The following LEPR variants were observed in gnomAD, a reference collection of about 807,000 sequenced individuals.
LEPR encodes leptin receptor, also known as OB receptor.
In LEPR, 56 loss-of-function variants were observed where a neutral mutation model predicts 114.7. The observed-to-expected ratio is 0.49, with a 90% CI of 0.39 to 0.61. The LOEUF is 0.61. Among genes scored for constraint, LEPR ranks in the 20% least tolerant of loss-of-function variants. The probability of loss-of-function intolerance (pLI) is 0.00; values close to 1 mark genes in which losing one functional copy is unlikely to be tolerated. For synonymous variants in LEPR, 443 were observed against 461.4 expected, an observed-to-expected ratio of 0.96 and a Z score of 0.51; for missense variants, 1,202 against 1,352.9, an observed-to-expected ratio of 0.89 and a Z score of 1.75.
chr1:65,547,352 C>G (rs1458507747), intron 2 of LEPR, among the ~76,000 whole-genome samples: 1 of 152,136 alleles, frequency 6.6e-6, no homozygotes, highest in Non-Finnish European at 1.5e-5. Flanking sequence ...CCCTCTTTTT[C>G]TATTGATTGG....
intron 2 of LEPR, among the ~76,000 whole-genome samples, chr1:65,454,751 A>G (rs1271804891): frequency 2.0e-5 from 3 of 151,946 alleles, no homozygotes; most frequent in Admixed American, 1.3e-4. Context: ...GAATCTGACA[A>G]TTATGTGTCT....
chr1:65,554,212 T>C (rs1425496976), intron 2 of LEPR, among the ~76,000 whole-genome samples: 1 of 152,160 alleles, frequency 6.6e-6, no homozygotes, highest in Non-Finnish European at 1.5e-5. Context: ...AGGCAGCCTG[T>C]CCTTTAGTAA....
intron 11 of LEPR, 65 bp from the exon 12 acceptor site, chr1:65,608,688 C>T: frequency 6.6e-7 from 1 of 1,519,706 alleles, no homozygotes; most frequent in South Asian, 1.2e-5. Context: ...AAATATAACA[C>T]AATGTTTTTA....
At chr1:65,546,482 C>A (rs1011652508) in intron 2 of LEPR, among the ~76,000 whole-genome samples, 6 of 151,954 alleles carry the variant, frequency 3.9e-5, no homozygotes, top group African/African-American at 1.5e-4. Context: ...CTTTTATTTC[C>A]TTGAGCAGTG....
intron 2 of LEPR, among the ~76,000 whole-genome samples, chr1:65,443,955 T>TAAAG (rs1467585810): frequency 1.6e-4 from 15 of 92,182 alleles, no homozygotes; most frequent in South Asian, 8.0e-4. Context: ...CTGATACTTT[T>TAAAG]TTTTTTTTTT....
chr1:65,621,397 G>T lies in LEPR; in HGVS notation c.2536G>T (p.Val846Leu). The T allele has an allele frequency of 1.2e-6, 2 of 1,613,352 alleles. No individual in the cohort carries two copies. The highest frequency in any genetic ancestry group is 1.7e-6 in the Non-Finnish European group (2 of 1,179,628). ...HQSDAGLYVI[V>L]PVIISSSILL... ...GAGTGATGCAGGTTTATATGTAATT[G>T]TGCCAGTAATTATTTCCTCTTCCAT... Residue 846 changes from valine (V) to leucine (L), a missense_variant, in exon 18 of 20, where the codon GTG becomes TTG. By Grantham distance (32) the Val-to-Leu change is conservative. Coordinates refer to ENST00000349533, the MANE Select transcript of LEPR (RefSeq NM_002303.6).
chr1:65,588,733 A>C (rs1655491778), intron 5 of LEPR, among the ~76,000 whole-genome samples: 1 of 152,068 alleles, frequency 6.6e-6, no homozygotes, highest in South Asian at 2.1e-4. Flanking sequence ...GATTATCTTG[A>C]GATTCATTAA....
chr1:65,436,090 G>T (rs960381411), intron 2 of LEPR: 1 of 984,162 alleles, frequency 1.0e-6, no homozygotes, highest in Non-Finnish European at 1.2e-6. Flanking sequence ...AGATCAGCAA[G>T]TTAATTTTCC....
chr1:65,626,246 C>A, intron 19 of LEPR: 1 of 1,459,186 alleles, frequency 6.9e-7, no homozygotes, highest in South Asian at 1.6e-5. Flanking sequence ...TGCCACAGGT[C>A]ATCTGACAGA....
At chr1:65,449,444 T>C (rs969077691) in intron 2 of LEPR, among the ~76,000 whole-genome samples, 3 of 152,048 alleles carry the variant, frequency 2.0e-5, no homozygotes, top group East Asian at 1.9e-4. Flanking sequence ...TCTCGGACCC[T>C]GGGGCAGCCG....
intron 4 of LEPR, among the ~76,000 whole-genome samples, chr1:65,571,282 A>G (rs1033523616): frequency 1.3e-5 from 2 of 152,184 alleles, no homozygotes; most frequent in African/African-American, 2.4e-5. Context: ...CTGCTATGGT[A>G]CATGTTTACC....
In LEPR at chr1:65,598,645, T is replaced by C; in HGVS notation, c.850-15T>C. On this transcript the variant is annotated splice_polypyrimidine_tract_variant and intron_variant, in intron 7 of 19. Transcript: ENST00000349533. Reference sequence around the variant, plus strand: ...TCAACTTGATGTTCTGATGTTTTAATATAATATTTAACAGGCTGACAAGAT... The same window carrying C: ...TCAACTTGATGTTCTGATGTTTTAACATAATATTTAACAGGCTGACAAGAT... 4 of 1,612,468 alleles carry C rather than the reference T, an allele frequency of 2.5e-6. No homozygotes were observed. The highest frequency in any genetic ancestry group is 3.4e-6 in the Non-Finnish European group (4 of 1,179,410).
chr1:65,477,379 G>A (rs1470676637), intron 2 of LEPR, among the ~76,000 whole-genome samples: 1 of 152,194 alleles, frequency 6.6e-6, no homozygotes, highest in Non-Finnish European at 1.5e-5. Flanking sequence ...CGTTAACAGA[G>A]TGCCTGGCAT....
chr1:65,610,936 G>T (rs1381949770), intron 14 of LEPR, among the ~76,000 whole-genome samples: 3 of 152,168 alleles, frequency 2.0e-5, no homozygotes, highest in Non-Finnish European at 4.4e-5. Flanking sequence ...TAATACCCAA[G>T]GTTGAATGAG....
intron 2 of LEPR, among the ~76,000 whole-genome samples, chr1:65,445,757 A>G (rs1220035690): frequency 1.3e-5 from 2 of 151,946 alleles, no homozygotes; most frequent in Admixed American, 6.6e-5. Flanking sequence ...CATTTCTGCA[A>G]GTGAACTTAA....
chr1:65,632,410 A>G (rs757116354), intron 19 of LEPR, among the ~76,000 whole-genome samples: 7 of 152,146 alleles, frequency 4.6e-5, no homozygotes, highest in Non-Finnish European at 1.0e-4. Context: ...AGGAACCAGG[A>G]GAGAGTATAA....
intron 2 of LEPR, among the ~76,000 whole-genome samples, chr1:65,516,183 T>A (rs79615196): frequency 6.6e-6 from 1 of 152,190 alleles, no homozygotes; most frequent in Admixed American, 6.5e-5. Flanking sequence ...ACCTGTAATC[T>A]CAGCACTTTG....
Position 65,637,206 on chromosome 1 carries a change from A to G in LEPR, c.*191A>G. 1.8e-6 allele frequency: 1 copy of G among 551,312 alleles called. No homozygotes were observed. 34.2% of individuals were successfully genotyped at this position (551,312 alleles called of 1,614,324 possible). A position where few individuals can be genotyped will look rare whatever the true frequency, so the allele number is the denominator to read the frequency against. On this transcript the variant is annotated 3_prime_UTR_variant, in exon 20 of 20. Coordinates refer to ENST00000349533, the MANE Select transcript of LEPR (RefSeq NM_002303.6). The stretch of plus-strand genomic sequence containing the variant: ...TTGAGAAAGCCTTCATAAGCCTACC[A>G]ATGTAGACACGCTCTTCTATTTTAT...
intron 2 of LEPR, among the ~76,000 whole-genome samples, chr1:65,447,846 G>A (rs1360223019): frequency 2.0e-5 from 3 of 152,092 alleles, no homozygotes; most frequent in Non-Finnish European, 4.4e-5. Context: ...CTTGTTCATT[G>A]CTCATACATA....
Sources: gnomAD v4.1 joint callset for allele counts (sites outside exome capture counted in the v4.1 genomes callset) on GRCh38, gnomAD v4.1.1 for gene constraint, MANE v1.5 for transcripts, NCBI Gene and HGNC (gene_info 2026-07-23, HGNC 2026-07-21) for gene names.